Variants in TTC8 observed in about 807,000 individuals in gnomAD.
TTC8 encodes the protein tetratricopeptide repeat domain 8.
Under a neutral mutation model 72.5 loss-of-function variants are expected in TTC8, and 47 were observed. That is an observed-to-expected ratio of 0.65 (90% CI 0.51 to 0.83). The LOEUF is 0.83. Ranked by LOEUF, TTC8 falls within the 40% of genes least tolerant of loss-of-function variation. The pLI is 0.00. For missense variants in TTC8, 611 were observed against 623.2 expected (o/e 0.98, Z 0.21); for synonymous variants, 199 against 221.4 (o/e 0.90, Z 0.90).
chr14:88,849,026 C>T (rs187067856), intron 7 of TTC8, among the ~76,000 whole-genome samples: 90 of 152,204 alleles, frequency 5.9e-4, no homozygotes, highest in African/African-American at 2.0e-3. Context: ...TTTTGTAGAA[C>T]ATAAAATGGA....
At position 88,866,382 on chromosome 14, in the gene TTC8, AACACACACACAC is replaced by A. The variant is rs10553603; in HGVS notation, c.910-3656_910-3645del. 1.2e-4 allele frequency among the ~76,000 whole-genome samples: 17 copies of A among 146,670 alleles called. No homozygotes were observed. The East Asian group carries it at 3.0e-3, about 26-fold the overall frequency. Reference sequence around the variant, plus strand: ...AAAATTGCTGAAAATGGGAGATTTAAACACACACACACACACACACACACACACACACGCACA... The same window carrying A: ...AAAATTGCTGAAAATGGGAGATTTAAACACACACACACACACACACGCACA... On this transcript the variant is annotated intron_variant, in intron 10 of 14. Transcript: ENST00000380656.
intron 10 of TTC8, among the ~76,000 whole-genome samples, chr14:88,863,472 G>T (rs990356287): frequency 1.3e-5 from 2 of 152,158 alleles, no homozygotes; most frequent in East Asian, 3.9e-4. Flanking sequence ...GCTCATTAGA[G>T]ACTCTGTATC....
intron 14 of TTC8, 38 bp downstream of exon 14, chr14:88,875,147 TC>T (rs751324853): frequency 2.0e-6 from 3 of 1,515,586 alleles, no homozygotes; most frequent in Non-Finnish European, 2.7e-6. Flanking sequence ...TCTGATCTGT[TC>T]TTTTTTTTTC....
At chr14:88,870,381 G>A (rs1446168168) in intron 11 of TTC8, among the ~76,000 whole-genome samples, 183 bp downstream of exon 11, 1 of 152,212 alleles carries the variant, frequency 6.6e-6, no homozygotes, top group Non-Finnish European at 1.5e-5. Context: ...ACATGCAGAT[G>A]TCTGGCATCT....
In TTC8 at chr14:88,871,704, A is replaced by G. The variant is rs1376296265; in HGVS notation, c.1205A>G (p.Asn402Ser). Reference sequence around the variant, plus strand: ...GAAGAGGCAGCTGATGTCTGGTACAACTTGGGACATGTAGCTGTGGTATGT... The same window carrying G: ...GAAGAGGCAGCTGATGTCTGGTACAGCTTGGGACATGTAGCTGTGGTATGT... The part of the protein sequence containing the change: ...NEEEAADVWY[N>S]LGHVAVGIGD... Residue 402 changes from asparagine (N) to serine (S), a missense_variant, in exon 12 of 15, where the codon AAC (asparagine) becomes AGC (serine). By Grantham distance (46) the Asn-to-Ser change is conservative (BLOSUM62 1). Coordinates refer to ENST00000380656, the MANE Select transcript of TTC8 (RefSeq NM_144596.4). The surrounding 1 kb of genome is among the most constrained non-coding windows in gnomAD (Gnocchi z 4.1). 6.2e-7 allele frequency: 1 copy of G among 1,614,062 alleles called. No individual in the cohort carries two copies. Among genetic ancestry groups the G allele is most frequent in the Non-Finnish European group, 8.5e-7 (1 of 1,179,988 alleles).
At chr14:88,856,352 G>A (rs1305754117) in intron 8 of TTC8, among the ~76,000 whole-genome samples, 1 of 152,098 alleles carries the variant, frequency 6.6e-6, no homozygotes, top group East Asian at 1.9e-4. Flanking sequence ...CTTCTTTCAA[G>A]CCTTTAAATG....
intron 7 of TTC8, 82 bp downstream of exon 7, chr14:88,843,932 G>A: frequency 9.7e-7 from 1 of 1,028,626 alleles, no homozygotes; most frequent in Non-Finnish European, 1.5e-6. Context: ...TTCTATTTCT[G>A]ACCTTATAAA....
At chr14:88,847,729 T>C (rs992632274) in intron 7 of TTC8, among the ~76,000 whole-genome samples, 1 of 152,096 alleles carries the variant, frequency 6.6e-6, no homozygotes, top group Non-Finnish European at 1.5e-5. Flanking sequence ...GTAATCTCTA[T>C]CTAGTGGACA....
At chr14:88,824,907 G>T (rs907101956) in intron 1 of TTC8, 86 bp downstream of exon 1, 36 of 1,296,726 alleles carry the variant, frequency 2.8e-5, no homozygotes, top group Non-Finnish European at 3.9e-5. Flanking sequence ...TTGGGAGGCC[G>T]GGGAGGAAGG....
intron 3 of TTC8, among the ~76,000 whole-genome samples, chr14:88,839,841 G>A (rs1414789138): frequency 6.6e-6 from 1 of 152,056 alleles, no homozygotes; most frequent in Non-Finnish European, 1.5e-5. Flanking sequence ...GCTATATTAT[G>A]CATTTTAGAA....
intron 3 of TTC8, among the ~76,000 whole-genome samples, 189 bp downstream of exon 3, chr14:88,839,761 C>G (rs2094771365): frequency 6.6e-6 from 1 of 152,084 alleles, no homozygotes; most frequent in African/African-American, 2.4e-5. Context: ...GGTACAAAGG[C>G]TTTTTCCCCA....
At chr14:88,866,165 A>C (rs1306577437) in intron 10 of TTC8, among the ~76,000 whole-genome samples, 1 of 152,202 alleles carries the variant, frequency 6.6e-6, no homozygotes, top group Non-Finnish European at 1.5e-5. Flanking sequence ...ACAAAGTCAA[A>C]AAGCCATAAT....
chr14:88,842,951 G>T (rs1461076175), intron 6 of TTC8, among the ~76,000 whole-genome samples: 1 of 146,970 alleles, frequency 6.8e-6, no homozygotes, highest in Non-Finnish European at 1.5e-5. Context: ...TTATAGGTTT[G>T]TTTTTTTTTT....
intron 10 of TTC8, among the ~76,000 whole-genome samples, chr14:88,864,016 C>G (rs2094899390): frequency 6.6e-6 from 1 of 152,128 alleles, no homozygotes; most frequent in South Asian, 2.1e-4. Context: ...ACAGACATAT[C>G]TCTGTTTTCT....
At chr14:88,846,086 C>T (rs2094805137) in intron 7 of TTC8, among the ~76,000 whole-genome samples, 1 of 152,010 alleles carries the variant, frequency 6.6e-6, no homozygotes, top group East Asian at 1.9e-4. Context: ...GCAGGTGTAT[C>T]ACTGGAGCCC....
intron 6 of TTC8, among the ~76,000 whole-genome samples, chr14:88,842,601 C>A (rs2094787146): frequency 1.3e-5 from 2 of 152,122 alleles, no homozygotes. Context: ...CTAGTTGATA[C>A]CATTGCTATT....
Position 88,871,826 on chromosome 14 carries a change from A to T in TTC8, c.1224+103A>T, listed in dbSNP as rs1405188257. 23 of 1,346,930 alleles carry T rather than the reference A, an allele frequency of 1.7e-5. No homozygotes were observed. The Admixed American group carries it at 3.9e-4, about 23-fold the overall frequency. 83.4% of individuals were successfully genotyped at this position (1,346,930 alleles called of 1,614,324 possible). ...CAGCATTTTGGGAGGCTGAAGCAGG[A>T]GGATTGCTTGAGCCCAGGAGTTTGA... On this transcript the variant is annotated intron_variant, in intron 12 of 14. Transcript: ENST00000380656. This position sits in a 1 kb window ranked among gnomAD's most constrained non-coding sequence, Gnocchi z 4.1.
chr14:88,836,052 A>T (rs1420455719), intron 2 of TTC8, among the ~76,000 whole-genome samples: 1 of 152,242 alleles, frequency 6.6e-6, no homozygotes, highest in Admixed American at 6.5e-5. Flanking sequence ...TTTAAAATTG[A>T]ATAACAGTCT....
At chr14:88,870,858 C>G (rs758359610) in intron 11 of TTC8, among the ~76,000 whole-genome samples, 1 of 152,154 alleles carries the variant, frequency 6.6e-6, no homozygotes, top group Non-Finnish European at 1.5e-5. Context: ...GAACACTATT[C>G]TGTGCACCTG....
Sources: gnomAD v4.1 joint callset for allele counts (sites outside exome capture counted in the v4.1 genomes callset) on GRCh38, gnomAD v4.1.1 for gene constraint, Gnocchi (gnomAD v3.1) non-coding constraint, MANE v1.5 for transcripts, NCBI Gene and HGNC (gene_info 2026-07-23, HGNC 2026-07-21) for gene names.